The following VSIG1 variants were observed in gnomAD, a reference collection of about 807,000 sequenced individuals.
VSIG1 encodes the protein V-set and immunoglobulin domain containing 1, also known as V-set and immunoglobulin domain-containing protein 1.
In VSIG1, 11 loss-of-function variants were observed where a neutral mutation model predicts 20.1. That is an observed-to-expected ratio of 0.55 (90% CI 0.34 to 0.91). VSIG1 has a LOEUF of 0.91. Among genes scored for constraint, VSIG1 ranks in the 40% least tolerant of loss-of-function variants. VSIG1 has a pLI of 0.02. For synonymous variants in VSIG1, 126 were observed against 116.7 expected (o/e 1.08, Z -0.52); for missense variants, 283 against 298.8 (o/e 0.95, Z 0.39).
chrX:108,072,991 G>T (rs908358640), intron 4 of VSIG1, among the ~76,000 whole-genome samples, 159 bp downstream of exon 4: 2 of 110,614 alleles, frequency 1.8e-5, no homozygotes, highest in Non-Finnish European at 3.8e-5. Flanking sequence ...AAGAATGCCT[G>T]TCTCCCAACA....
intron 1 of VSIG1, among the ~76,000 whole-genome samples, chrX:108,056,302 C>G (rs5962935): frequency 0.052 from 5,839 of 111,775 alleles, 133 homozygotes; most frequent in East Asian, 0.098. Context: ...AAGTAACCTA[C>G]AGCCAACATT....
At chrX:108,047,843 T>TACATATATATATAC in intron 1 of VSIG1, among the ~76,000 whole-genome samples, 1 of 33,880 alleles carries the variant, frequency 3.0e-5, no homozygotes, top group East Asian at 4.8e-4. Flanking sequence ...CATATATATA[T>TACATATATATATAC]ACATATATAT....
chrX:108,042,743 G>C (rs1012246642), upstream of VSIG1, among the ~76,000 whole-genome samples: 1 of 111,530 alleles, frequency 9.0e-6, no homozygotes, highest in Non-Finnish European at 1.9e-5. Context: ...AGGTGGTATG[G>C]ATCTCCAGAG....
chrX:108,054,395 T>A (rs930416744), intron 1 of VSIG1, among the ~76,000 whole-genome samples: 2 of 111,794 alleles, frequency 1.8e-5, no homozygotes, highest in African/African-American at 6.5e-5. Context: ...AGGGAAGATC[T>A]GAAAAAGACA....
At chrX:108,028,703 C>A in the VSIG1 span, among the ~76,000 whole-genome samples, 5 of 110,971 alleles carry the variant, frequency 4.5e-5, no homozygotes, top group African/African-American at 1.6e-4. Flanking sequence ...CCCATTGAGC[C>A]AAAAGGTCCA....
At chrX:108,040,317 A>G (rs2147911240), upstream of VSIG1, among the ~76,000 whole-genome samples, 1 of 111,643 alleles carries the variant, frequency 9.0e-6, no homozygotes, top group South Asian at 3.8e-4. Context: ...ACAACACAAT[A>G]CCAATTTTCA....
At chrX:108,047,795 T>A (rs1251603440) in intron 1 of VSIG1, among the ~76,000 whole-genome samples, 1 of 76,715 alleles carries the variant, frequency 1.3e-5, no homozygotes. Flanking sequence ...TCTCTCTATA[T>A]ATATATATAT....
At chrX:108,036,882 G>A in the VSIG1 span, among the ~76,000 whole-genome samples, 1 of 111,839 alleles carries the variant, frequency 8.9e-6, no homozygotes, top group African/African-American at 3.3e-5. Context: ...GGGGATGGCA[G>A]GCAGAAGAGG....
At chrX:108,059,976 G>C (rs1023025423) in intron 2 of VSIG1, among the ~76,000 whole-genome samples, 3 of 111,531 alleles carry the variant, frequency 2.7e-5, no homozygotes, top group African/African-American at 9.8e-5. Context: ...GATTTACAAG[G>C]CTACCTCTTG....
intron 3 of VSIG1, among the ~76,000 whole-genome samples, chrX:108,070,813 A>T (rs2031222156): frequency 1.8e-5 from 2 of 112,328 alleles, no homozygotes; most frequent in Non-Finnish European, 3.8e-5. Flanking sequence ...AAAAAGACAC[A>T]TGCTTAAAAG....
At chrX:108,032,207 T>G in the VSIG1 span, among the ~76,000 whole-genome samples, 1 of 112,670 alleles carries the variant, frequency 8.9e-6, no homozygotes, top group African/African-American at 3.2e-5. Flanking sequence ...ATCTTTGTTT[T>G]CCACTAGACT....
chrX:108,026,732 A>G, the VSIG1 span, among the ~76,000 whole-genome samples: 6 of 111,320 alleles, frequency 5.4e-5, no homozygotes, highest in African/African-American at 2.0e-4. Context: ...GTTCAGTCTC[A>G]ATATATGACC....
chrX:108,036,869 C>T, the VSIG1 span, among the ~76,000 whole-genome samples: 3 of 111,656 alleles, frequency 2.7e-5, no homozygotes, highest in Non-Finnish European at 3.8e-5. Context: ...TGTCCTTATG[C>T]GTGGGGATGG....
intron 3 of VSIG1, among the ~76,000 whole-genome samples, chrX:108,071,635 G>A (rs1338030334): frequency 9.1e-6 from 1 of 110,254 alleles, no homozygotes; most frequent in Non-Finnish European, 1.9e-5. Context: ...TGGTCTTGGA[G>A]GCCTCTTCCC....
chrX:108,040,377 C>T (rs2030460902), upstream of VSIG1, among the ~76,000 whole-genome samples: 1 of 111,881 alleles, frequency 8.9e-6, no homozygotes, highest in African/African-American at 3.3e-5. Context: ...AGGAGGTTTA[C>T]AGAGTAAATA....
intron 1 of VSIG1, among the ~76,000 whole-genome samples, chrX:108,045,855 G>C (rs1271603429): frequency 8.9e-6 from 1 of 111,880 alleles, no homozygotes; most frequent in African/African-American, 3.2e-5. Flanking sequence ...TTTTGCATCT[G>C]TTCTTATAAG....
At chrX:108,045,017 G>A (rs2030540018), upstream of VSIG1, 2 of 527,900 alleles carry the variant, frequency 3.8e-6, no homozygotes, top group Non-Finnish European at 5.7e-6. Flanking sequence ...TTTGCTTGGC[G>A]ATGCCCAGCA....
chrX:108,054,732 C>G (rs1275665804), intron 1 of VSIG1, among the ~76,000 whole-genome samples: 1 of 109,977 alleles, frequency 9.1e-6, no homozygotes, highest in African/African-American at 3.3e-5. Context: ...GAGGAAATCT[C>G]AAAAGGAATT....
At chrX:108,036,154 G>A in the VSIG1 span, among the ~76,000 whole-genome samples, 2 of 103,058 alleles carry the variant, frequency 1.9e-5, no homozygotes, top group Non-Finnish European at 3.9e-5. Flanking sequence ...CAATTTCTTG[G>A]CTCCAAAAGG....
Sources: allele counts gnomAD v4.1 joint callset (sites outside exome capture counted in the v4.1 genomes callset), GRCh38; gene constraint gnomAD v4.1.1; transcripts MANE v1.5; gene names NCBI Gene and HGNC (gene_info 2026-07-23, HGNC 2026-07-21).